RGS7BP: variants seen among roughly 807,000 people sequenced by gnomAD.
RGS7BP encodes the protein regulator of G protein signaling 7-binding protein.
In RGS7BP, 9 loss-of-function variants were observed where a neutral mutation model predicts 31.3. The observed-to-expected ratio is 0.29, with a 90% CI of 0.17 to 0.50. The LOEUF (loss-of-function observed/expected upper bound fraction) is 0.50. Ranked by LOEUF, RGS7BP falls within the 20% of genes least tolerant of loss-of-function variation. The pLI, the probability that RGS7BP is intolerant of heterozygous loss-of-function variation, is 0.98. For missense variants in RGS7BP, 274 were observed against 322.0 expected, an observed-to-expected ratio of 0.85 and a Z score of 1.14; for synonymous variants, 115 against 120.1, an observed-to-expected ratio of 0.96 and a Z score of 0.28.
In RGS7BP at chr5:64,545,115, G is replaced by T. The variant is rs146979493; in HGVS notation, c.333-30659G>T. On this transcript the variant is annotated intron_variant, in intron 2 of 5. Transcript: ENST00000334025. ...AGCTTGAACCCAGGAAGAAGAGGTT[G>T]CAGTGAGCTGAAATCATGCCACTGC... Among the ~76,000 whole-genome samples the T allele has an allele frequency of 7.5e-3, 1,135 of 152,070 alleles. 7 individuals are homozygous for T. Among genetic ancestry groups the T allele is most frequent in the Middle Eastern group, 0.014 (4 of 292 alleles).
intron 3 of RGS7BP, among the ~76,000 whole-genome samples, chr5:64,585,015 C>T (rs41517644): frequency 0.25 from 37,501 of 152,038 alleles, 5,885 homozygotes; most frequent in South Asian, 0.39. Flanking sequence ...TCACAGTGCA[C>T]GGAGTTAAAA....
intron 2 of RGS7BP, among the ~76,000 whole-genome samples, chr5:64,537,409 G>A (rs1169344373): frequency 1.3e-5 from 2 of 152,294 alleles, no homozygotes; most frequent in African/African-American, 4.8e-5. Flanking sequence ...CAGAAGACTG[G>A]TAGGTCAATG....
chr5:64,512,818 C>T (rs1748873805), intron 2 of RGS7BP, among the ~76,000 whole-genome samples: 1 of 151,798 alleles, frequency 6.6e-6, no homozygotes, highest in Non-Finnish European at 1.5e-5. Flanking sequence ...TTCTGAGATA[C>T]CATAAAAATT....
chr5:64,597,409 G>A (rs964746289), intron 4 of RGS7BP, among the ~76,000 whole-genome samples: 2 of 151,884 alleles, frequency 1.3e-5, no homozygotes, highest in African/African-American at 4.8e-5. Flanking sequence ...GTACCCAGGT[G>A]GGGTTGTTTT....
At chr5:64,526,263 G>A (rs547467412) in intron 2 of RGS7BP, among the ~76,000 whole-genome samples, 206 of 152,310 alleles carry the variant, frequency 1.4e-3, no homozygotes, top group Non-Finnish European at 2.4e-3. Flanking sequence ...ACAAATGTAA[G>A]TTTGCTTCAA....
intron 2 of RGS7BP, among the ~76,000 whole-genome samples, chr5:64,534,424 A>T (rs763890781): frequency 2.0e-5 from 3 of 152,226 alleles, no homozygotes; most frequent in Non-Finnish European, 2.9e-5. Flanking sequence ...AAAAGACTGT[A>T]CAGGGCAATA....
intron 2 of RGS7BP, among the ~76,000 whole-genome samples, chr5:64,526,276 C>G (rs926236336): frequency 1.3e-5 from 2 of 152,172 alleles, no homozygotes; most frequent in African/African-American, 4.8e-5. Flanking sequence ...TGCTTCAATT[C>G]TATTGGCATC....
At chr5:64,561,963 A>T (rs1742066359) in intron 2 of RGS7BP, among the ~76,000 whole-genome samples, 1 of 152,140 alleles carries the variant, frequency 6.6e-6, no homozygotes, top group African/African-American at 2.4e-5. Flanking sequence ...AAGAAAGAAA[A>T]AATTATATGT....
At chr5:64,600,709 G>A (rs566024350) in intron 5 of RGS7BP, among the ~76,000 whole-genome samples, 2 of 152,288 alleles carry the variant, frequency 1.3e-5, no homozygotes, top group South Asian at 2.1e-4. Context: ...AATAACTAAT[G>A]TAAAGGATTG....
At chr5:64,601,795 C>T (rs563524450) in intron 5 of RGS7BP, among the ~76,000 whole-genome samples, 1 of 152,178 alleles carries the variant, frequency 6.6e-6, no homozygotes, top group Admixed American at 6.5e-5. Flanking sequence ...AGGTTACGGA[C>T]AGAGGCTAAA....
chr5:64,573,837 T>A (rs2111894525), intron 2 of RGS7BP, among the ~76,000 whole-genome samples: 1 of 152,298 alleles, frequency 6.6e-6, no homozygotes, highest in African/African-American at 2.4e-5. Flanking sequence ...AGGTAATAGA[T>A]CTGTCAACTA....
At chr5:64,606,039 T>TATAGAGAGAG (rs1423740473) in intron 5 of RGS7BP, among the ~76,000 whole-genome samples, 1 of 123,714 alleles carries the variant, frequency 8.1e-6, no homozygotes, top group Admixed American at 8.1e-5. Context: ...TATATATATA[T>TATAGAGAGAG]AGAGAGAGAG....
intron 3 of RGS7BP, among the ~76,000 whole-genome samples, chr5:64,582,667 A>G (rs1742633928): frequency 6.6e-6 from 1 of 152,258 alleles, no homozygotes. Context: ...AGAATAGAGA[A>G]ATGTTAAAAG....
chr5:64,559,193 C>A (rs940389619), intron 2 of RGS7BP, among the ~76,000 whole-genome samples: 2 of 152,146 alleles, frequency 1.3e-5, no homozygotes, highest in African/African-American at 2.4e-5. Context: ...CATCACAGAA[C>A]CTGCTGACAT....
chr5:64,544,678 GAA>G (rs1306365511), intron 2 of RGS7BP, among the ~76,000 whole-genome samples: 6 of 128,628 alleles, frequency 4.7e-5, no homozygotes, highest in African/African-American at 1.9e-4. Flanking sequence ...TGTCTCTTAA[GAA>G]GAAGAAGAAA....
rs75422501 is a variant in RGS7BP, at chr5:64,554,200, G to A, written c.333-21574G>A. ...GTTAAGCCAGGGTATTTATTCTCCC[G>A]TTTCCCTCTCTATAAGGTTATTTTG... On this transcript the variant is annotated intron_variant, in intron 2 of 5. Transcript: ENST00000334025. Among the ~76,000 whole-genome samples, 540 of 152,204 alleles carry A rather than the reference G, an allele frequency of 3.5e-3. 2 individuals carry two copies. Among genetic ancestry groups the A allele is most frequent in the Non-Finnish European group, 6.4e-3 (432 of 67,994 alleles).
intron 4 of RGS7BP, among the ~76,000 whole-genome samples, chr5:64,596,204 C>T (rs1040595361): frequency 3.3e-5 from 5 of 152,134 alleles, no homozygotes; most frequent in Admixed American, 6.6e-5. Context: ...AGGCCCACAA[C>T]GTTGGCAATG....
chr5:64,507,990 T>A, intron 2 of RGS7BP, 113 bp downstream of exon 2: 1 of 915,568 alleles, frequency 1.1e-6, no homozygotes. Context: ...GATTTTAACC[T>A]TAAGATCGAA....
At chr5:64,562,097 G>T (rs1453808017) in intron 2 of RGS7BP, among the ~76,000 whole-genome samples, 1 of 152,148 alleles carries the variant, frequency 6.6e-6, no homozygotes, top group African/African-American at 2.4e-5. Context: ...TTGTGTTAGA[G>T]GAGACTTTAC....
Sources: allele counts gnomAD v4.1 joint callset (sites outside exome capture counted in the v4.1 genomes callset), GRCh38; gene constraint gnomAD v4.1.1; transcripts MANE v1.5; gene names NCBI Gene and HGNC (gene_info 2026-07-23, HGNC 2026-07-21).